Variants in CPAP observed in about 807,000 individuals in gnomAD.
The protein encoded by CPAP is centrosome assembly and centriole elongation protein.
chr13:24,889,332 A>G, the CPAP span: 1 of 1,610,454 alleles, frequency 6.2e-7, no homozygotes. Context: ...TTGGAAGATA[A>G]TTTTTCTTGT....
chr13:24,888,152 G>A, the CPAP span, among the ~76,000 whole-genome samples: 1 of 152,072 alleles, frequency 6.6e-6, no homozygotes, highest in East Asian at 1.9e-4. Context: ...GCGCATAGAA[G>A]AAAATGGTGT....
At chr13:24,927,656 T>C in the CPAP span, among the ~76,000 whole-genome samples, 2 of 152,244 alleles carry the variant, frequency 1.3e-5, no homozygotes, top group African/African-American at 2.4e-5. Context: ...CTGATTTCAC[T>C]GGAAAGTACT....
the CPAP span, chr13:24,906,136 A>G: frequency 1.9e-6 from 3 of 1,613,552 alleles, no homozygotes; most frequent in South Asian, 2.2e-5. Flanking sequence ...CACTGCGGTT[A>G]CAATGACTAA....
the CPAP span, among the ~76,000 whole-genome samples, chr13:24,916,909 C>T: frequency 6.6e-6 from 1 of 152,116 alleles, no homozygotes; most frequent in Non-Finnish European, 1.5e-5. Context: ...TTGCTAGTTA[C>T]AAAGACCAAG....
the CPAP span, chr13:24,912,614 AAGCCC>A: frequency 1.9e-6 from 3 of 1,613,796 alleles, no homozygotes; most frequent in Non-Finnish European, 2.5e-6. Context: ...GGGTCTTTAT[AAGCCC>A]CTTCTTTGAA....
chr13:24,899,412 A>G, the CPAP span: 2 of 1,606,056 alleles, frequency 1.2e-6, no homozygotes, highest in Non-Finnish European at 1.7e-6. Flanking sequence ...ATAAAGAACT[A>G]GCATACCTGT....
the CPAP span, chr13:24,906,594 C>A: frequency 1.9e-6 from 3 of 1,614,250 alleles, no homozygotes; most frequent in Non-Finnish European, 1.7e-6. Flanking sequence ...AACTGCCCAT[C>A]ACATTTCTTC....
the CPAP span, among the ~76,000 whole-genome samples, chr13:24,895,675 G>A: frequency 1.3e-5 from 2 of 152,222 alleles, no homozygotes; most frequent in African/African-American, 2.4e-5. Context: ...CTCTCAAAAC[G>A]CCAAGGGCAG....
At chr13:24,886,438 T>A in the CPAP span, 1 of 1,063,300 alleles carries the variant, frequency 9.4e-7, no homozygotes, top group South Asian at 1.3e-5. Flanking sequence ...GATTTATAGG[T>A]CCCAAACTGC....
the CPAP span, chr13:24,884,264 A>T: frequency 1.9e-6 from 3 of 1,613,930 alleles, no homozygotes; most frequent in Admixed American, 1.7e-5. Context: ...ACACACAGTC[A>T]GTCTGCCTTT....
chr13:24,920,619 C>CTTTTT, the CPAP span, among the ~76,000 whole-genome samples: 7 of 125,274 alleles, frequency 5.6e-5, no homozygotes, highest in Non-Finnish European at 6.6e-5. Flanking sequence ...AATATGATTC[C>CTTTTT]TTTTTTTTTT....
chr13:24,895,805 C>A, the CPAP span, among the ~76,000 whole-genome samples: 1 of 152,138 alleles, frequency 6.6e-6, no homozygotes, highest in Non-Finnish European at 1.5e-5. Flanking sequence ...GTGTGAAAAG[C>A]TATGACTCAG....
At chr13:24,889,937 A>G in the CPAP span, among the ~76,000 whole-genome samples, 149,499 of 152,120 alleles carry the variant, frequency 0.98, 73,497 homozygotes, top group Middle Eastern at 1. Flanking sequence ...TTCCAGTGCC[A>G]TCCTTCTTGG....
the CPAP span, among the ~76,000 whole-genome samples, chr13:24,926,490 T>C: frequency 1.3e-5 from 2 of 151,976 alleles, no homozygotes; most frequent in Admixed American, 1.3e-4. Context: ...CCCAGTAACA[T>C]CTTTAACGTT....
At chr13:24,925,209 T>C in the CPAP span, among the ~76,000 whole-genome samples, 3 of 152,166 alleles carry the variant, frequency 2.0e-5, no homozygotes, top group African/African-American at 7.2e-5. Flanking sequence ...ACTCGTAGGC[T>C]CAAGCAGTCC....
chr13:24,928,976 A>G, the CPAP span, among the ~76,000 whole-genome samples: 1 of 152,174 alleles, frequency 6.6e-6, no homozygotes, highest in Non-Finnish European at 1.5e-5. Flanking sequence ...GAGCAATACC[A>G]TAATAGTTTT....
At chr13:24,928,682 G>T in the CPAP span, among the ~76,000 whole-genome samples, 1 of 152,104 alleles carries the variant, frequency 6.6e-6, no homozygotes, top group African/African-American at 2.4e-5. Flanking sequence ...TGCCCACCTC[G>T]GCCTCCCAAA....
At chr13:24,904,368 A>G in the CPAP span, among the ~76,000 whole-genome samples, 15 of 152,280 alleles carry the variant, frequency 9.9e-5, no homozygotes, top group Non-Finnish European at 2.1e-4. Flanking sequence ...TAGCTTAAGA[A>G]TAAGTAATCC....
the CPAP span, among the ~76,000 whole-genome samples, chr13:24,900,100 T>G: frequency 6.7e-6 from 1 of 150,332 alleles, no homozygotes; most frequent in Non-Finnish European, 1.5e-5. Flanking sequence ...AATATCAGAG[T>G]GGGAGGGTGA....
Sources: gnomAD v4.1 joint callset for allele counts (sites outside exome capture counted in the v4.1 genomes callset) on GRCh38, gnomAD v4.1.1 for gene constraint, MANE v1.5 for transcripts, NCBI Gene and HGNC (gene_info 2026-07-23, HGNC 2026-07-21) for gene names.